The following ATL1 variants were observed in gnomAD, a reference collection of about 807,000 sequenced individuals.
ATL1 encodes the protein atlastin-1.
In ATL1, 31 loss-of-function variants were observed where a neutral mutation model predicts 75.5. That is an observed-to-expected ratio of 0.41 (90% CI 0.31 to 0.55). The LOEUF is 0.55. Among genes scored for constraint, ATL1 ranks in the 20% least tolerant of loss-of-function variants. ATL1 has a pLI of 0.27. For synonymous variants in ATL1, 226 were observed against 233.3 expected, an observed-to-expected ratio of 0.97 and a Z score of 0.28; for missense variants, 405 against 662.6, an observed-to-expected ratio of 0.61 and a Z score of 4.27.
At chr14:50,595,507 A>C in intron 5 of ATL1, 69 bp from the exon 6 acceptor site, 1 of 1,430,260 alleles carries the variant, frequency 7.0e-7, no homozygotes. Context: ...AAAACTTTGC[A>C]GGTGCTAAAG....
At chr14:50,622,433 C>T (rs986057289) in intron 10 of ATL1, among the ~76,000 whole-genome samples, 4 of 151,774 alleles carry the variant, frequency 2.6e-5, no homozygotes, top group Admixed American at 6.6e-5. Context: ...TTTGGGAGGC[C>T]GAGGCGGGCA....
At chr14:50,627,308 A>G (rs1020469836) in intron 11 of ATL1, among the ~76,000 whole-genome samples, 1 of 152,254 alleles carries the variant, frequency 6.6e-6, no homozygotes, top group Non-Finnish European at 1.5e-5. Context: ...AGACTGCTAC[A>G]TAATGTAAAC....
At position 50,588,893 on chromosome 14, in the gene ATL1, A is replaced by G. The variant is rs2039127386; in HGVS notation, c.282+815A>G. Among the ~76,000 whole-genome samples, 7 of 152,322 alleles carry G rather than the reference A, an allele frequency of 4.6e-5. No homozygotes were observed. In the South Asian group the frequency reaches 1.5e-3, roughly 32 times the overall value. ...ATAATCACAATTTATTCATTGAAGT[A>G]TGCATCCCAAGACATTTTTCCAGGT... On this transcript the variant is annotated intron_variant, in intron 2 of 13. Transcript: ENST00000358385.
chr14:50,593,942 A>G, intron 5 of ATL1, 46 bp downstream of exon 5: 1 of 1,351,152 alleles, frequency 7.4e-7, no homozygotes, highest in Non-Finnish European at 1.1e-6. Context: ...AGTCTTTGAA[A>G]CATGTATAGC....
intron 6 of ATL1, among the ~76,000 whole-genome samples, chr14:50,611,977 C>G (rs1293346185): frequency 6.6e-6 from 1 of 152,132 alleles, no homozygotes; most frequent in African/African-American, 2.4e-5. Flanking sequence ...CATAGCAGCA[C>G]TATTCATGCC....
intron 6 of ATL1, among the ~76,000 whole-genome samples, chr14:50,610,958 A>T (rs1295534571): frequency 1.3e-5 from 2 of 152,128 alleles, no homozygotes; most frequent in Non-Finnish European, 2.9e-5. Flanking sequence ...TACAGGTGAC[A>T]GTTCAGACCA....
chr14:50,554,222 C>T (rs1486228371), intron 1 of ATL1, among the ~76,000 whole-genome samples: 1 of 152,038 alleles, frequency 6.6e-6, no homozygotes, highest in East Asian at 1.9e-4. Flanking sequence ...CATTTGTCAA[C>T]TCAAATTCGT....
At chr14:50,598,285 T>C (rs2039240106) in intron 6 of ATL1, among the ~76,000 whole-genome samples, 1 of 152,196 alleles carries the variant, frequency 6.6e-6, no homozygotes, top group Non-Finnish European at 1.5e-5. Context: ...AATAGGATTT[T>C]TGTATATTTT....
In ATL1 at chr14:50,628,315, T is replaced by C; in HGVS notation, c.1404T>C (p.Ile468=). The change falls in exon 12 of 14, where the codon ATT becomes ATC. Residue 468 remains isoleucine (I), a synonymous_variant. Transcript: ENST00000358385. ...TGATTGCTGGTGTGACTGGATTCAT[T>C]GGTTTGGACATCATAGCTAGCCTAT... ...TYVIAGVTGF[I]GLDIIASLCN... 1.2e-6 allele frequency: 2 copies of C among 1,614,128 alleles called. No individual in the cohort carries two copies. Among genetic ancestry groups the C allele is most frequent in the Non-Finnish European group, 1.7e-6 (2 of 1,180,022 alleles).
chr14:50,609,437 G>C (rs1439293624), intron 6 of ATL1, among the ~76,000 whole-genome samples: 2 of 151,912 alleles, frequency 1.3e-5, no homozygotes, highest in African/African-American at 4.8e-5. Flanking sequence ...TGGTGGTATT[G>C]GTACTGCTAC....
intron 1 of ATL1, among the ~76,000 whole-genome samples, chr14:50,574,933 G>GTATATA (rs1247422328): frequency 6.5e-4 from 30 of 45,944 alleles, no homozygotes; most frequent in East Asian, 2.7e-3. Context: ...GTGTGTGTGT[G>GTATATA]TGTGTATATA....
intron 1 of ATL1, among the ~76,000 whole-genome samples, chr14:50,586,706 A>T (rs1338064728): frequency 2.0e-5 from 3 of 146,832 alleles, no homozygotes; most frequent in African/African-American, 5.0e-5. Context: ...AAGAGGCAGA[A>T]TTTTTTTTTT....
chr14:50,584,220 C>T (rs1286163357), intron 1 of ATL1, among the ~76,000 whole-genome samples: 2 of 151,800 alleles, frequency 1.3e-5, no homozygotes, highest in African/African-American at 4.8e-5. Context: ...ACAAAAAATA[C>T]AGAAATTAGT....
chr14:50,618,705 C>T (rs1460466634), intron 8 of ATL1, among the ~76,000 whole-genome samples: 1 of 152,096 alleles, frequency 6.6e-6, no homozygotes, highest in Non-Finnish European at 1.5e-5. Context: ...CCTTCAAAAT[C>T]ACCAACCCCA....
chr14:50,601,238 G>C lies in ATL1; in HGVS notation c.630+5606G>C, dbSNP rs993505794. On this transcript the variant is annotated intron_variant, in intron 6 of 13. Transcript: ENST00000358385. Reference sequence around the variant, plus strand: ...ACAACAAATATGAAGACAATTAGCTGGGAAAATGAATAGCTGAATTAACAT... The same window carrying C: ...ACAACAAATATGAAGACAATTAGCTCGGAAAATGAATAGCTGAATTAACAT... Among the ~76,000 whole-genome samples, 6 of 151,734 alleles carry C rather than the reference G, an allele frequency of 4.0e-5. No homozygotes were observed. The East Asian group carries it at 1.2e-3, about 29-fold the overall frequency.
intron 1 of ATL1, among the ~76,000 whole-genome samples, chr14:50,552,649 C>G (rs2038716910): frequency 6.6e-6 from 1 of 152,164 alleles, no homozygotes; most frequent in South Asian, 2.1e-4. Context: ...CAACGTGGTA[C>G]TGCTATAAAA....
chr14:50,536,771 G>A (rs910192195), intron 1 of ATL1, among the ~76,000 whole-genome samples: 3 of 152,216 alleles, frequency 2.0e-5, no homozygotes, highest in Admixed American at 6.5e-5. Context: ...CTAGAGGTTT[G>A]TGGAACTTTG....
At chr14:50,549,632 G>T (rs1465981575) in intron 1 of ATL1, among the ~76,000 whole-genome samples, 1 of 152,152 alleles carries the variant, frequency 6.6e-6, no homozygotes, top group Non-Finnish European at 1.5e-5. Flanking sequence ...TTCATATATG[G>T]CATGCTACGA....
chr14:50,570,027 G>T (rs1025592418), intron 1 of ATL1, among the ~76,000 whole-genome samples: 3 of 151,986 alleles, frequency 2.0e-5, no homozygotes, highest in Non-Finnish European at 2.9e-5. Context: ...TCTCAATGTG[G>T]GTCTCTTTGA....
Sources: allele counts gnomAD v4.1 joint callset (sites outside exome capture counted in the v4.1 genomes callset), GRCh38; gene constraint gnomAD v4.1.1; transcripts MANE v1.5; gene names NCBI Gene and HGNC (gene_info 2026-07-23, HGNC 2026-07-21).